PRKN: variants seen among roughly 807,000 people sequenced by gnomAD.
The protein encoded by PRKN is E3 ubiquitin-protein ligase parkin.
In PRKN, 56 loss-of-function variants were observed where a neutral mutation model predicts 59.5. That is an observed-to-expected ratio of 0.94 (90% CI 0.76 to 1.18). PRKN has a LOEUF of 1.18. Among genes scored for constraint, PRKN ranks in the 50% most tolerant of loss-of-function variants. The pLI, the probability that PRKN is intolerant of heterozygous loss-of-function variation, is 0.00. For synonymous variants in PRKN, 250 were observed against 222.1 expected, an observed-to-expected ratio of 1.13 and a Z score of -1.12; for missense variants, 657 against 596.4, an observed-to-expected ratio of 1.10 and a Z score of -1.06.
chr6:161,753,280 C>T (rs574104192), intron 7 of PRKN, among the ~76,000 whole-genome samples: 93 of 151,964 alleles, frequency 6.1e-4, no homozygotes, highest in Non-Finnish European at 1.2e-3. Context: ...GGAGCCACCA[C>T]CGAGGGAGAA....
chr6:162,418,934 C>G (rs1788805497), intron 2 of PRKN, among the ~76,000 whole-genome samples: 1 of 151,870 alleles, frequency 6.6e-6, no homozygotes, highest in African/African-American at 2.4e-5. Flanking sequence ...ACCCTGTACC[C>G]AGTCCCACCC....
intron 1 of PRKN, among the ~76,000 whole-genome samples, chr6:162,553,170 G>A (rs1779398398): frequency 6.6e-6 from 1 of 152,172 alleles, no homozygotes; most frequent in Admixed American, 6.5e-5. Context: ...GACAATAAAG[G>A]AGAGAGGGGA....
chr6:161,814,541 T>G (rs111614766), intron 6 of PRKN, among the ~76,000 whole-genome samples: 2 of 152,146 alleles, frequency 1.3e-5, no homozygotes, highest in Non-Finnish European at 2.9e-5. Context: ...TCACTCTTGT[T>G]GCCCAGGCTG....
chr6:161,685,779 C>G (rs549945277), intron 7 of PRKN, among the ~76,000 whole-genome samples: 7 of 152,274 alleles, frequency 4.6e-5, no homozygotes, highest in African/African-American at 1.4e-4. Context: ...TATCTCTGTA[C>G]CTTCCTCTCA....
intron 7 of PRKN, among the ~76,000 whole-genome samples, chr6:161,595,006 A>G (rs576223091): frequency 1.4e-4 from 21 of 152,340 alleles, no homozygotes; most frequent in Middle Eastern, 3.4e-3. Context: ...GCAAAATCCA[A>G]TGGAAAATGT....
chr6:162,129,818 C>T (rs909191299), intron 4 of PRKN, among the ~76,000 whole-genome samples: 3 of 151,954 alleles, frequency 2.0e-5, no homozygotes, highest in African/African-American at 7.2e-5. Flanking sequence ...TAAATATATA[C>T]AGTAAGTCCA....
At chr6:162,367,920 G>T (rs992443367) in intron 2 of PRKN, among the ~76,000 whole-genome samples, 4 of 152,164 alleles carry the variant, frequency 2.6e-5, no homozygotes, top group African/African-American at 9.7e-5. Context: ...CTGAGGATGG[G>T]CCGACTGAGT....
At chr6:162,488,148 C>G (rs539999209) in intron 1 of PRKN, among the ~76,000 whole-genome samples, 1 of 151,250 alleles carries the variant, frequency 6.6e-6, no homozygotes, top group South Asian at 2.1e-4. Context: ...GTTTAAACAC[C>G]ACAAAAATCA....
intron 9 of PRKN, among the ~76,000 whole-genome samples, chr6:161,520,163 T>C (rs1778765373): frequency 6.6e-6 from 1 of 151,640 alleles, no homozygotes; most frequent in African/African-American, 2.4e-5. Flanking sequence ...ACATGATGGG[T>C]TGAAACTCTC....
chr6:161,515,658 T>C (rs1293912614), intron 9 of PRKN, among the ~76,000 whole-genome samples: 1 of 152,226 alleles, frequency 6.6e-6, no homozygotes, highest in Non-Finnish European at 1.5e-5. Flanking sequence ...ATAAATAAAG[T>C]TAAAATTGAG....
chr6:162,717,312 C>G (rs184163346), intron 1 of PRKN, among the ~76,000 whole-genome samples: 7 of 152,140 alleles, frequency 4.6e-5, no homozygotes, highest in Admixed American at 4.6e-4. Context: ...CACAGTGGCT[C>G]ACACCTGTAA....
chr6:162,383,399 G>A (rs73032959), intron 2 of PRKN, among the ~76,000 whole-genome samples: 9,779 of 152,130 alleles, frequency 0.064, 694 homozygotes, highest in East Asian at 0.38. Context: ...AGAGCTCTTG[G>A]GTAACCAGCT....
intron 10 of PRKN, among the ~76,000 whole-genome samples, chr6:161,381,956 C>T (rs1786007735): frequency 6.6e-6 from 1 of 151,592 alleles, no homozygotes; most frequent in Non-Finnish European, 1.5e-5. Flanking sequence ...ACCAAAAATA[C>T]AAAAAATTAG....
chr6:162,031,205 C>T (rs1435170546), intron 5 of PRKN, among the ~76,000 whole-genome samples: 1 of 151,624 alleles, frequency 6.6e-6, no homozygotes, highest in African/African-American at 2.4e-5. Flanking sequence ...AAGCCTTTGG[C>T]TTCTTTCTGC....
intron 4 of PRKN, among the ~76,000 whole-genome samples, chr6:162,109,582 A>T (rs1780335527): frequency 1.3e-5 from 2 of 152,172 alleles, no homozygotes; most frequent in African/African-American, 4.8e-5. Flanking sequence ...TGAGCTCAGC[A>T]GAAATAGGGT....
rs905810495 is a variant in PRKN, at chr6:162,156,339, C to T, written c.534+44792G>A. ...AGCTTATCAGGAGAACTGACTCACA[C>T]GATCACAAGGTGAAATCCCACAATA... is the stretch of plus-strand genomic sequence containing the variant. On this transcript the variant is annotated intron_variant, in intron 4 of 11. Coordinates refer to ENST00000366898, the MANE Select transcript of PRKN (RefSeq NM_004562.3). Among the ~76,000 whole-genome samples, 9 of 152,240 alleles carry T rather than the reference C, an allele frequency of 5.9e-5. No individual in the cohort carries two copies. The South Asian group carries it at 8.3e-4, about 14-fold the overall frequency.
At chr6:162,231,666 C>A (rs1291369434) in intron 3 of PRKN, among the ~76,000 whole-genome samples, 1 of 152,162 alleles carries the variant, frequency 6.6e-6, no homozygotes, top group African/African-American at 2.4e-5. Context: ...GAAAATCATA[C>A]TTGTGTGGTA....
chr6:162,464,689 C>G (rs1368946590), intron 1 of PRKN, among the ~76,000 whole-genome samples: 3 of 148,534 alleles, frequency 2.0e-5, no homozygotes, highest in Non-Finnish European at 4.5e-5. Flanking sequence ...ATTAGCCAGG[C>G]GTGGTGGCGG....
At position 161,457,160 on chromosome 6, in the gene PRKN, G is replaced by C. The variant is rs1322011894; in HGVS notation, c.1084-70283C>G. ...AGGAGTTCTCCACTCGGTACACCCA[G>C]TTTTACCAAAGTTAAACCCATGAGA... On this transcript the variant is annotated intron_variant, in intron 9 of 11. Transcript: ENST00000366898. The surrounding 1 kb of genome is among the most constrained non-coding windows in gnomAD (Gnocchi z 5.0). 6.6e-6 allele frequency among the ~76,000 whole-genome samples: 1 copy of C among 152,206 alleles called. No homozygotes were observed. The highest frequency in any genetic ancestry group is 2.1e-4 in the South Asian group (1 of 4,832).
Sources: allele counts gnomAD v4.1 joint callset (sites outside exome capture counted in the v4.1 genomes callset), GRCh38; gene constraint gnomAD v4.1.1; non-coding constraint Gnocchi (gnomAD v3.1); transcripts MANE v1.5; gene names NCBI Gene and HGNC (gene_info 2026-07-23, HGNC 2026-07-21).